The following CNIH3 variants were observed in gnomAD, a reference collection of about 807,000 sequenced individuals.
CNIH3 encodes the protein cornichon family AMPA receptor auxiliary protein 3.
CNIH3 carries 14 observed loss-of-function variants against 24.1 expected under a neutral mutation model. The observed-to-expected ratio is 0.58, with a 90% CI of 0.38 to 0.91. The LOEUF (loss-of-function observed/expected upper bound fraction) is 0.91. Among genes scored for constraint, CNIH3 ranks in the 40% least tolerant of loss-of-function variants. The pLI is 0.00. For missense variants in CNIH3, 178 were observed against 196.8 expected (o/e 0.90, Z 0.57); for synonymous variants, 68 against 73.8 (o/e 0.92, Z 0.40).
chr1:224,484,286 C>T (rs769821444), intron 1 of CNIH3, among the ~76,000 whole-genome samples: 14 of 151,990 alleles, frequency 9.2e-5, no homozygotes, highest in South Asian at 6.2e-4. Flanking sequence ...AAAAATTAGC[C>T]GGGCGCGGTA....
At chr1:224,696,884 A>G (rs907761097) in intron 3 of CNIH3, among the ~76,000 whole-genome samples, 2 of 152,098 alleles carry the variant, frequency 1.3e-5, no homozygotes, top group African/African-American at 4.8e-5. Flanking sequence ...GAGTCCCTCA[A>G]AGCGCTGATC....
Position 224,576,221 on chromosome 1 carries a change from T to C in CNIH3, n.517-6943T>C, listed in dbSNP as rs184924745. On this transcript the variant is annotated intron_variant and non_coding_transcript_variant, in intron 4 of 5. Transcript: ENST00000471578. ...AGACAAGTTCAAGTATATTTTAAAGTGTGGCTTTTATCATGTTCTTTCTCA... is the reference window on the plus strand; with the variant it reads ...AGACAAGTTCAAGTATATTTTAAAGCGTGGCTTTTATCATGTTCTTTCTCA... Among the ~76,000 whole-genome samples, 66 of 152,358 alleles carry C rather than the reference T, an allele frequency of 4.3e-4. No homozygotes were observed. The East Asian group carries it at 0.013, about 29-fold the overall frequency.
At chr1:224,528,125 C>T (rs1678917005) in intron 2 of CNIH3, among the ~76,000 whole-genome samples, 1 of 151,856 alleles carries the variant, frequency 6.6e-6, no homozygotes, top group East Asian at 1.9e-4. Flanking sequence ...TTAGCCAGGT[C>T]TGGTGGCACA....
At chr1:224,454,259 T>G in intron 1 of CNIH3, 1 of 895,622 alleles carries the variant, frequency 1.1e-6, no homozygotes. Context: ...ACTAGTAAGT[T>G]TTTTTTTTTT....
At chr1:224,534,627 G>A (rs1012012838) in intron 2 of CNIH3, among the ~76,000 whole-genome samples, 4 of 152,180 alleles carry the variant, frequency 2.6e-5, no homozygotes, top group Non-Finnish European at 4.4e-5. Context: ...AGCAGTAATG[G>A]ACTCAGCAGA....
At chr1:224,498,423 T>A (rs1206884975) in intron 1 of CNIH3, among the ~76,000 whole-genome samples, 1 of 152,144 alleles carries the variant, frequency 6.6e-6, no homozygotes, top group African/African-American at 2.4e-5. Flanking sequence ...GTCAAAAGCT[T>A]ATATGCAACT....
intron 3 of CNIH3, among the ~76,000 whole-genome samples, chr1:224,710,113 T>C (rs746801368): frequency 3.9e-5 from 6 of 152,240 alleles, no homozygotes; most frequent in Non-Finnish European, 5.9e-5. Context: ...CAGATGTGGT[T>C]GATCACAGGT....
chr1:224,584,478 G>A (rs140837233), intron 5 of CNIH3, among the ~76,000 whole-genome samples: 11 of 152,270 alleles, frequency 7.2e-5, no homozygotes, highest in East Asian at 3.9e-4. Context: ...CCTTTATGCC[G>A]GAGTAGACAA....
rs547312227 is a variant in CNIH3 at position 224,519,129 on chromosome 1, C to T, written n.16-1871C>T. ...AAATGGCAGTTACTACTATGGTTATCGTATTCGTCTGTTCTAATGCTGCTA... is the reference window on the plus strand; with the variant it reads ...AAATGGCAGTTACTACTATGGTTATTGTATTCGTCTGTTCTAATGCTGCTA... On this transcript the variant is annotated intron_variant and non_coding_transcript_variant, in intron 1 of 2. Coordinates refer to the CNIH3 transcript ENST00000470602. 1.5e-4 allele frequency among the ~76,000 whole-genome samples: 23 copies of T among 152,298 alleles called. No homozygotes were observed. In the South Asian group the frequency reaches 3.5e-3, roughly 23 times the overall value.
At chr1:224,705,825 T>A (rs1409521708) in intron 3 of CNIH3, among the ~76,000 whole-genome samples, 3 of 151,702 alleles carry the variant, frequency 2.0e-5, no homozygotes, top group Non-Finnish European at 4.4e-5. Flanking sequence ...CTTTCTCTTT[T>A]TCTTTTCTTT....
At chr1:224,650,345 G>A (rs1684805326) in intron 1 of CNIH3, among the ~76,000 whole-genome samples, 1 of 152,150 alleles carries the variant, frequency 6.6e-6, no homozygotes, top group African/African-American at 2.4e-5. Context: ...ACTCGATCAA[G>A]CAGGGAGGCT....
At position 224,444,097 on chromosome 1, in the gene CNIH3, T is replaced by C. The variant is rs548427554; in HGVS notation, n.203+9235T>C. Among the ~76,000 whole-genome samples, 3 of 152,330 alleles carry C rather than the reference T, an allele frequency of 2.0e-5. No individual in the cohort carries two copies. In the South Asian group the frequency reaches 6.2e-4, roughly 32 times the overall value. ...AGCTATCATCTATGCTTGTGTTATC[T>C]GTCCTCTCTCCTGATTATTTTGAAG... On this transcript the variant is annotated intron_variant and non_coding_transcript_variant, in intron 1 of 5. Transcript: ENST00000471578.
At chr1:224,612,325 G>A (rs1682739691), upstream of CNIH3, among the ~76,000 whole-genome samples, 1 of 152,048 alleles carries the variant, frequency 6.6e-6, no homozygotes, top group African/African-American at 2.4e-5. The surrounding 1 kb of genome is among the most constrained non-coding windows in gnomAD (Gnocchi z 4.7). Flanking sequence ...TTTTTTTCTA[G>A]GGGCATTTCT....
intron 3 of CNIH3, among the ~76,000 whole-genome samples, chr1:224,550,973 GAT>G (rs935672187): frequency 6.6e-5 from 10 of 151,310 alleles, no homozygotes; most frequent in African/African-American, 1.2e-4. Flanking sequence ...TTGTCCTTGC[GAT>G]AGTTTGCTGA....
chr1:224,649,708 TC>T lies in CNIH3; in HGVS notation c.82-31248del, dbSNP rs554780266. 9.2e-5 allele frequency among the ~76,000 whole-genome samples: 14 copies of T among 152,282 alleles called. 1 individual carries two copies. The East Asian group carries it at 2.7e-3, about 29-fold the overall frequency. ...CGAGGAAAGAAATCCCAGCGGTTCC[TC>T]CTCTGTAAATTGCAAAATGATCCAT... On this transcript the variant is annotated intron_variant, in intron 1 of 5. Transcript: ENST00000272133.
In CNIH3 at chr1:224,506,285, G is replaced by GTGCA. The variant is rs150433630; in HGVS notation, n.204-9456_204-9455insTGCA. Among the ~76,000 whole-genome samples, 108 of 143,614 alleles carry GTGCA rather than the reference G, an allele frequency of 7.5e-4. 1 individual carries two copies. Among genetic ancestry groups the GTGCA allele is most frequent in the African/African-American group, 2.9e-3 (106 of 36,786 alleles). 94.2% of individuals were successfully genotyped at this position (143,614 alleles called of 152,430 possible). The stretch of plus-strand genomic sequence containing the variant: ...TGCACGCACACGCGCGCGCGCGCGC[G>GTGCA]CGCACACACACACACACACGGTCAC... On this transcript the variant is annotated intron_variant and non_coding_transcript_variant, in intron 1 of 5. Transcript: ENST00000471578.
rs905759230 is a variant in CNIH3, at chr1:224,667,673, G to T, written c.82-13285G>T. Among the ~76,000 whole-genome samples the T allele has an allele frequency of 1.2e-4, 19 of 152,002 alleles. 1 individual carries two copies. Among genetic ancestry groups the T allele is most frequent in the Admixed American group, 1.2e-3 (18 of 15,254 alleles). Reference sequence around the variant, plus strand: ...CTGGATTCTGCCAAGTGTCTGAGGGGATGTGGGACAGAGAATCCGCGGCTC... The same window carrying T: ...CTGGATTCTGCCAAGTGTCTGAGGGTATGTGGGACAGAGAATCCGCGGCTC... On this transcript the variant is annotated intron_variant, in intron 1 of 5. Coordinates refer to ENST00000272133, the MANE Select transcript of CNIH3 (RefSeq NM_152495.2).
chr1:224,592,291 G>T (rs1037319081), downstream of CNIH3, among the ~76,000 whole-genome samples: 2 of 152,124 alleles, frequency 1.3e-5, no homozygotes, highest in African/African-American at 4.8e-5. Context: ...TGAGATTCTG[G>T]TCGAGCTTAG....
chr1:224,551,442 C>T (rs565172252), intron 3 of CNIH3, among the ~76,000 whole-genome samples: 4 of 151,944 alleles, frequency 2.6e-5, no homozygotes, highest in East Asian at 1.9e-4. Context: ...TGAAGCAGAG[C>T]GATGATATTT....
Sources: gnomAD v4.1 joint callset for allele counts (sites outside exome capture counted in the v4.1 genomes callset) on GRCh38, gnomAD v4.1.1 for gene constraint, Gnocchi (gnomAD v3.1) non-coding constraint, MANE v1.5 for transcripts, NCBI Gene and HGNC (gene_info 2026-07-23, HGNC 2026-07-21) for gene names.